ERGIC1: variants seen among roughly 807,000 people sequenced by gnomAD.
ERGIC1 encodes the protein endoplasmic reticulum-Golgi intermediate compartment protein 1.
Under a neutral mutation model 38.3 loss-of-function variants are expected in ERGIC1, and 19 were observed. The observed-to-expected ratio is 0.50, with a 90% confidence interval of 0.35 to 0.73. The LOEUF is 0.73. ERGIC1 is among the 30% of genes least tolerant of loss of function. The pLI, the probability that ERGIC1 is intolerant of heterozygous loss-of-function variation, is 0.01. For synonymous variants in ERGIC1, 124 were observed against 157.6 expected (o/e 0.79, Z 1.60); for missense variants, 294 against 389.2 (o/e 0.76, Z 2.06).
intron 1 of ERGIC1, among the ~76,000 whole-genome samples, chr5:172,850,368 G>A (rs1299450782): frequency 7.4e-6 from 1 of 134,450 alleles, no homozygotes; most frequent in African/African-American, 2.8e-5. Context: ...CATCCTGCTT[G>A]GGCCTCCGCC....
At chr5:172,871,876 A>C (rs1762018846) in intron 1 of ERGIC1, among the ~76,000 whole-genome samples, 1 of 152,232 alleles carries the variant, frequency 6.6e-6, no homozygotes, top group African/African-American at 2.4e-5. Flanking sequence ...AAAAGTGACA[A>C]CACTGAGATG....
At chr5:172,881,889 C>T (rs559098987) in intron 1 of ERGIC1, among the ~76,000 whole-genome samples, 3 of 152,202 alleles carry the variant, frequency 2.0e-5, no homozygotes, top group Admixed American at 6.5e-5. Context: ...CCTTTCCCTC[C>T]TCCATTCTCT....
intron 5 of ERGIC1, among the ~76,000 whole-genome samples, chr5:172,919,628 G>A (rs1184451458): frequency 6.6e-6 from 1 of 152,212 alleles, no homozygotes; most frequent in African/African-American, 2.4e-5. Flanking sequence ...GCTTCTCTGA[G>A]CCTCAGGTTC....
At chr5:172,867,851 G>GT (rs1581526056) in intron 1 of ERGIC1, among the ~76,000 whole-genome samples, 1 of 152,184 alleles carries the variant, frequency 6.6e-6, no homozygotes, top group Admixed American at 6.5e-5. Flanking sequence ...AATGCCAAGG[G>GT]TTTTTTCTAC....
At chr5:172,947,507 G>A (rs1364865558) in intron 9 of ERGIC1, among the ~76,000 whole-genome samples, 2 of 152,210 alleles carry the variant, frequency 1.3e-5, no homozygotes, top group East Asian at 3.9e-4. Context: ...CCCCTGGAAT[G>A]TGTGAGGATT....
chr5:172,840,409 A>AAG (rs548289781), intron 1 of ERGIC1, among the ~76,000 whole-genome samples: 4 of 152,272 alleles, frequency 2.6e-5, no homozygotes, highest in South Asian at 4.1e-4. Flanking sequence ...GCAGGGTGTG[A>AAG]AGAGGGTATT....
At chr5:172,914,254 A>AAAATAAATAAAT (rs1554112480) in intron 4 of ERGIC1, among the ~76,000 whole-genome samples, 6 of 131,240 alleles carry the variant, frequency 4.6e-5, no homozygotes, top group African/African-American at 1.8e-4. Context: ...AAAAAAAAAA[A>AAAATAAATAAAT]AAATACAAAG....
intron 1 of ERGIC1, among the ~76,000 whole-genome samples, chr5:172,869,261 G>A (rs114542869): frequency 0.01 from 1,565 of 152,360 alleles, 20 homozygotes; most frequent in Middle Eastern, 0.024. Context: ...CCAGGACAGC[G>A]TGTGCTCAGG....
chr5:172,892,073 T>TTGTTTTGTTTTGTTTTTG (rs1762578832), intron 2 of ERGIC1, among the ~76,000 whole-genome samples: 7 of 146,816 alleles, frequency 4.8e-5, no homozygotes, highest in Admixed American at 6.8e-5. Context: ...TTTTTTTTTT[T>TTGTTTTGTTTTGTTTTTG]TTTTTTTTTT....
chr5:172,947,602 T>C (rs1764151964), intron 9 of ERGIC1, among the ~76,000 whole-genome samples: 1 of 152,232 alleles, frequency 6.6e-6, no homozygotes, highest in Admixed American at 6.5e-5. Flanking sequence ...GCAAAATCAG[T>C]AGATACTCAT....
rs1429850022 is a variant in ERGIC1 at position 172,893,935 on chromosome 5, G to GTGTGTGTGTGTGTGTGTGTGTGTGTGTA, written c.83-3066_83-3065insGTGTGTGTGTGTGTGTGTGTGTGTGTAT. Among the ~76,000 whole-genome samples the GTGTGTGTGTGTGTGTGTGTGTGTGTGTA allele has an allele frequency of 4.0e-4, 17 of 42,824 alleles. 1 individual carries two copies. The highest frequency in any genetic ancestry group is 9.9e-4 in the East Asian group (1 of 1,010). 28.1% of individuals were successfully genotyped at this position (42,824 alleles called of 152,430 possible). A position where few individuals can be genotyped will look rare whatever the true frequency, so the allele number is the denominator to read the frequency against. ...TGTGTGTGTGTGTGTGTGTGTGTGT[G>GTGTGTGTGTGTGTGTGTGTGTGTGTGTA]TATATATATATATATATATTTAAAT... On this transcript the variant is annotated intron_variant, in intron 2 of 9. Coordinates refer to ENST00000393784, the MANE Select transcript of ERGIC1 (RefSeq NM_001031711.3).
chr5:172,943,907 A>T (rs185076981), intron 9 of ERGIC1, among the ~76,000 whole-genome samples: 1 of 152,334 alleles, frequency 6.6e-6, no homozygotes. Flanking sequence ...ATAAGGAATT[A>T]AGAACCATAA....
rs1760998506 is a variant in ERGIC1 at position 172,834,929 on chromosome 5, C to G, written c.20+496C>G. Among the ~76,000 whole-genome samples, 1 of 152,170 alleles carries G rather than the reference C, an allele frequency of 6.6e-6. No individual in the cohort carries two copies. The highest frequency in any genetic ancestry group is 2.4e-5 in the African/African-American group (1 of 41,442). On this transcript the variant is annotated intron_variant, in intron 1 of 9. Transcript: ENST00000393784. This position sits in a 1 kb window ranked among gnomAD's most constrained non-coding sequence, Gnocchi z 4.1. ...TCTATAGCCTGAGGCTCCCCCAGGC[C>G]GGGCAGATCGGGAGGCCTGCCCCCG...
At chr5:172,905,325 C>A in intron 3 of ERGIC1, 1 of 375,520 alleles carries the variant, frequency 2.7e-6, no homozygotes, top group Non-Finnish European at 5.9e-6. Flanking sequence ...CACATTACAG[C>A]TGGGGTAGAA....
At chr5:172,851,480 G>A (rs1050177043) in intron 1 of ERGIC1, among the ~76,000 whole-genome samples, 3 of 152,240 alleles carry the variant, frequency 2.0e-5, no homozygotes, top group African/African-American at 7.2e-5. Flanking sequence ...CTGCACTCCA[G>A]CCTGGGTGAC....
intron 2 of ERGIC1, among the ~76,000 whole-genome samples, chr5:172,893,905 A>ATGTGTGTGTGTGTGTGTGTGTGTG (rs1554110394): frequency 1.9e-4 from 3 of 15,540 alleles, no homozygotes; most frequent in Non-Finnish European, 2.1e-4. Flanking sequence ...ATATATATAT[A>ATGTGTGTGTGTGTGTGTGTGTGTG]TGTGTGTGTG....
At chr5:172,897,342 T>C (rs993376895) in intron 3 of ERGIC1, among the ~76,000 whole-genome samples, 3 of 151,516 alleles carry the variant, frequency 2.0e-5, no homozygotes, top group African/African-American at 7.3e-5. Flanking sequence ...GGCAGGAGAA[T>C]TGCTTGACCC....
At chr5:172,844,946 T>C (rs1424323382) in intron 1 of ERGIC1, among the ~76,000 whole-genome samples, 3 of 152,198 alleles carry the variant, frequency 2.0e-5, no homozygotes, top group Admixed American at 1.3e-4. Context: ...TATCAAGTGC[T>C]AGACTAAAGG....
chr5:172,950,432 A>G (rs1038036829), intron 9 of ERGIC1, among the ~76,000 whole-genome samples: 6 of 152,222 alleles, frequency 3.9e-5, no homozygotes, highest in Non-Finnish European at 7.3e-5. Context: ...AATGGGTCTA[A>G]TAATTCCCTT....
Sources: allele counts gnomAD v4.1 joint callset (sites outside exome capture counted in the v4.1 genomes callset), GRCh38; gene constraint gnomAD v4.1.1; non-coding constraint Gnocchi (gnomAD v3.1); transcripts MANE v1.5; gene names NCBI Gene and HGNC (gene_info 2026-07-23, HGNC 2026-07-21).